Variants in HERPUD2 observed in about 807,000 individuals in gnomAD.
HERPUD2 encodes HERPUD family member 2, also known as homocysteine-responsive endoplasmic reticulum-resident ubiquitin-like domain member 2 protein.
In HERPUD2, 13 loss-of-function variants were observed where a neutral mutation model predicts 49.9. The observed-to-expected ratio is 0.26, with a 90% CI of 0.17 to 0.41. The LOEUF (loss-of-function observed/expected upper bound fraction) is 0.41, where lower values mean the gene tolerates loss of function less well. Ranked by LOEUF, HERPUD2 falls within the 10% of genes least tolerant of loss-of-function variation. The probability of loss-of-function intolerance (pLI) is 1.00; values close to 1 mark genes in which losing one functional copy is unlikely to be tolerated. For synonymous variants in HERPUD2, 172 were observed against 171.4 expected (o/e 1.00, Z -0.03); for missense variants, 449 against 492.2 (o/e 0.91, Z 0.83).
At position 35,667,581 on chromosome 7, in the gene HERPUD2, T is replaced by C. The variant is rs935286862; in HGVS notation, c.347A>G (p.Asp116Gly). The C allele has an allele frequency of 1.9e-6, 3 of 1,609,622 alleles. No individual in the cohort carries two copies. Among genetic ancestry groups the C allele is most frequent in the Non-Finnish European group, 2.6e-6 (3 of 1,176,334 alleles). ...ALASSSNSSS[D>G]HSGSTTPSSG... ...TGATGGAGTTGTTGATCCTGAATGATCTGAACTCTACAAATAAAAATGTAA... is the reference window on the plus strand; with the variant it reads ...TGATGGAGTTGTTGATCCTGAATGACCTGAACTCTACAAATAAAAATGTAA... Residue 116 changes from aspartate to glycine, a missense_variant, in exon 5 of 9, where the codon GAT becomes GGT. Physicochemically the swap from Asp to Gly is moderately conservative, Grantham distance 94. Transcript: ENST00000311350.
intron 2 of HERPUD2, among the ~76,000 whole-genome samples, chr7:35,693,196 T>C (rs1786230187): frequency 6.6e-6 from 1 of 152,212 alleles, no homozygotes; most frequent in Non-Finnish European, 1.5e-5. Context: ...TTATTATCTC[T>C]GCAATATCCA....
Position 35,670,283 on chromosome 7 carries a change from G to A in HERPUD2, c.271C>T (p.Pro91Ser), listed in dbSNP as rs759884679. The A allele has an allele frequency of 6.3e-6, 10 of 1,588,670 alleles. No individual in the cohort carries two copies. The highest frequency in any genetic ancestry group is 1.1e-5 in the South Asian group (1 of 87,938). ...MVHLVCTSRT[P>S]PSSPKSSTNR... ...GTGCTGGATTTTGGAGAACTGGGAGGAGTCCGAGAAGTACATACTAGATGA... is the reference window on the plus strand; with the variant it reads ...GTGCTGGATTTTGGAGAACTGGGAGAAGTCCGAGAAGTACATACTAGATGA... Residue 91 changes from proline to serine, a missense_variant, in exon 4 of 9, where the codon CCT (proline) becomes TCT (serine). Transcript: ENST00000311350.
intron 5 of HERPUD2, among the ~76,000 whole-genome samples, chr7:35,639,232 C>T (rs1302165835): frequency 4.6e-5 from 7 of 152,088 alleles, no homozygotes; most frequent in African/African-American, 1.7e-4. Flanking sequence ...CAGGGTTTCA[C>T]TGTGTTGGCC....
intron 5 of HERPUD2, among the ~76,000 whole-genome samples, chr7:35,660,073 T>C (rs559642192): frequency 6.6e-6 from 1 of 152,264 alleles, no homozygotes; most frequent in Admixed American, 6.5e-5. Context: ...TTCCCCACCC[T>C]GTGTCCATGG....
At chr7:35,691,864 G>T (rs570314669) in intron 2 of HERPUD2, among the ~76,000 whole-genome samples, 15 of 152,242 alleles carry the variant, frequency 9.9e-5, no homozygotes, top group African/African-American at 3.6e-4. Flanking sequence ...CAACTGTGAT[G>T]CTTCAAATCA....
intron 6 of HERPUD2, among the ~76,000 whole-genome samples, chr7:35,637,005 A>G (rs921420858): frequency 2.6e-5 from 4 of 152,110 alleles, no homozygotes; most frequent in African/African-American, 9.7e-5. Context: ...GTGGTGGCAC[A>G]TATCTGTAAT....
chr7:35,668,760 T>C (rs1283685820), intron 4 of HERPUD2, among the ~76,000 whole-genome samples: 17 of 152,166 alleles, frequency 1.1e-4, no homozygotes, highest in Admixed American at 1.1e-3. Context: ...AAGGTTTCTT[T>C]TTCAGCAAGA....
At chr7:35,668,338 C>T (rs1050139492) in intron 4 of HERPUD2, among the ~76,000 whole-genome samples, 1 of 152,070 alleles carries the variant, frequency 6.6e-6, no homozygotes, top group African/African-American at 2.4e-5. Flanking sequence ...TCTTTTTATT[C>T]TCGTGCTCAT....
intron 2 of HERPUD2, among the ~76,000 whole-genome samples, chr7:35,683,490 C>T (rs1383263139): frequency 6.6e-6 from 1 of 152,138 alleles, no homozygotes; most frequent in Non-Finnish European, 1.5e-5. Flanking sequence ...ATTGGAAAAG[C>T]CCTTCTAGAC....
intron 5 of HERPUD2, among the ~76,000 whole-genome samples, chr7:35,661,924 GGTGA>G (rs1304094498): frequency 1.3e-5 from 2 of 152,200 alleles, no homozygotes; most frequent in Non-Finnish European, 2.9e-5. Context: ...GAAAAGGAGT[GGTGA>G]GAGACGGCAT....
At chr7:35,644,596 C>A (rs1386899045) in intron 5 of HERPUD2, among the ~76,000 whole-genome samples, 3 of 152,030 alleles carry the variant, frequency 2.0e-5, no homozygotes, top group Non-Finnish European at 4.4e-5. Flanking sequence ...GGTGAAACCC[C>A]ATCTCTACTA....
chr7:35,667,973 T>C (rs1356345311), intron 4 of HERPUD2, among the ~76,000 whole-genome samples: 1 of 152,230 alleles, frequency 6.6e-6, no homozygotes, highest in Non-Finnish European at 1.5e-5. Flanking sequence ...GTTCAATAAA[T>C]GGTACTAATT....
At chr7:35,664,660 C>A (rs1352838110) in intron 5 of HERPUD2, among the ~76,000 whole-genome samples, 2 of 152,088 alleles carry the variant, frequency 1.3e-5, no homozygotes, top group Non-Finnish European at 2.9e-5. Flanking sequence ...TCACTGATAC[C>A]CTTTCTTCCA....
chr7:35,668,844 C>T (rs1300320349), intron 4 of HERPUD2, among the ~76,000 whole-genome samples: 5 of 152,092 alleles, frequency 3.3e-5, no homozygotes, highest in African/African-American at 1.2e-4. Flanking sequence ...AGTCATTTGG[C>T]AGCACAACCT....
intron 2 of HERPUD2, among the ~76,000 whole-genome samples, chr7:35,677,848 G>A (rs1347179819): frequency 1.3e-5 from 2 of 152,128 alleles, no homozygotes; most frequent in Non-Finnish European, 1.5e-5. Flanking sequence ...TGGACTTACA[G>A]AACAATATGA....
chr7:35,686,704 ACGACACTC>A (rs1416858250), intron 2 of HERPUD2, among the ~76,000 whole-genome samples: 1 of 73,410 alleles, frequency 1.4e-5, no homozygotes, highest in African/African-American at 5.1e-5. Flanking sequence ...GGGCGACAGA[ACGACACTC>A]CGTCTCAAAA....
intron 2 of HERPUD2, among the ~76,000 whole-genome samples, chr7:35,679,923 C>T (rs537332273): frequency 6.6e-6 from 1 of 152,296 alleles, no homozygotes; most frequent in African/African-American, 2.4e-5. Context: ...TGCCTTGCCT[C>T]CCATATCTAA....
intron 5 of HERPUD2, among the ~76,000 whole-genome samples, chr7:35,642,827 G>T (rs1307725623): frequency 6.6e-6 from 1 of 152,132 alleles, no homozygotes; most frequent in Non-Finnish European, 1.5e-5. Flanking sequence ...TGGGAGGAGG[G>T]AGAGTATCAG....
chr7:35,663,162 C>T (rs1290143902), intron 5 of HERPUD2, among the ~76,000 whole-genome samples: 5 of 152,186 alleles, frequency 3.3e-5, no homozygotes, highest in Non-Finnish European at 1.5e-5. Flanking sequence ...TGTTCAGTTT[C>T]CATGTAGTTG....
Sources: allele counts gnomAD v4.1 joint callset (sites outside exome capture counted in the v4.1 genomes callset), GRCh38; gene constraint gnomAD v4.1.1; transcripts MANE v1.5; gene names NCBI Gene and HGNC (gene_info 2026-07-23, HGNC 2026-07-21).